Variants in PPP3CC observed in about 807,000 individuals in gnomAD.
The protein encoded by PPP3CC is protein phosphatase 3 catalytic subunit gamma, also known as serine/threonine-protein phosphatase 2B catalytic subunit gamma isoform.
A neutral mutation model predicts 60.3 loss-of-function variants in PPP3CC; 35 were observed. The ratio of observed to expected loss-of-function variants is 0.58; its 90% CI spans 0.44 to 0.77. PPP3CC has a LOEUF of 0.77. Ranked by LOEUF, PPP3CC falls within the 30% of genes least tolerant of loss-of-function variation. PPP3CC has a pLI of 0.00. For missense variants in PPP3CC, 570 were observed against 628.9 expected, an observed-to-expected ratio of 0.91 and a Z score of 1.00; for synonymous variants, 206 against 224.3, an observed-to-expected ratio of 0.92 and a Z score of 0.73.
intron 4 of PPP3CC, among the ~76,000 whole-genome samples, chr8:22,501,953 G>A (rs1329772424): frequency 6.6e-6 from 1 of 152,182 alleles, no homozygotes; most frequent in African/African-American, 2.4e-5. Context: ...ATTGAGCCTG[G>A]GTGTTTGAGA....
At chr8:22,509,182 C>G (rs935828121) in intron 4 of PPP3CC, among the ~76,000 whole-genome samples, 28 of 152,154 alleles carry the variant, frequency 1.8e-4, no homozygotes, top group Middle Eastern at 3.2e-3. Flanking sequence ...ATCATTCCTG[C>G]CACCCATATA....
At chr8:22,469,187 C>T (rs1216495082) in intron 1 of PPP3CC, among the ~76,000 whole-genome samples, 1 of 152,094 alleles carries the variant, frequency 6.6e-6, no homozygotes, top group African/African-American at 2.4e-5. Flanking sequence ...TCACTTACAG[C>T]AACATGGATG....
Position 22,531,410 on chromosome 8 carries a change from T to C in PPP3CC, c.1142-815T>C. ...TATTGGTTAGACTTAAAATTGGTAG[T>C]TGAATAATTTCAGAAAGGCTCTCCA... On this transcript the variant is annotated intron_variant, in intron 10 of 13. Transcript: ENST00000240139. 4 of 1,362,378 alleles carry C rather than the reference T, an allele frequency of 2.9e-6. No individual in the cohort carries two copies. In the South Asian group the frequency reaches 3.8e-5, roughly 13 times the overall value. The allele number at this position is 1,362,378 out of a possible 1,614,324, so 84.4% of individuals were successfully genotyped here. A position where few individuals can be genotyped will look rare whatever the true frequency, so the allele number is the denominator to read the frequency against.
intron 3 of PPP3CC, among the ~76,000 whole-genome samples, chr8:22,484,967 G>C (rs1838181373): frequency 6.6e-6 from 1 of 152,148 alleles, no homozygotes; most frequent in African/African-American, 2.4e-5. Context: ...GTCATTCTTT[G>C]AGTCCTGAAT....
chr8:22,495,742 A>G (rs1197254209), intron 3 of PPP3CC, among the ~76,000 whole-genome samples: 3 of 152,030 alleles, frequency 2.0e-5, no homozygotes, highest in South Asian at 4.1e-4. Flanking sequence ...TATTTTTAGT[A>G]GAGAAGAGGT....
intron 6 of PPP3CC, among the ~76,000 whole-genome samples, chr8:22,516,974 C>T (rs1205472969): frequency 6.6e-6 from 1 of 152,070 alleles, no homozygotes; most frequent in Non-Finnish European, 1.5e-5. Context: ...AGAAACACAT[C>T]TGAAACAAGG....
rs1839940795 is a variant in PPP3CC, at chr8:22,540,727, G to A, written c.1464G>A (p.Gly488=). Residue 488 remains glycine, a synonymous_variant, in exon 14 of 14, where the codon GGG becomes GGA. Transcript: ENST00000240139. ...PPRKDSIHAG[G]PMKSVTSAHS... is the part of the protein sequence containing the mutation. ...GAAAGGATAGCATACACGCTGGTGG[G>A]CCAATGAAATCTGTAACCTCAGCAC... The A allele has an allele frequency of 1.9e-6, 3 of 1,613,986 alleles. No individual in the cohort carries two copies. The highest frequency in any genetic ancestry group is 3.3e-5 in the Admixed American group (2 of 60,002).
chr8:22,507,905 C>T (rs917436530), intron 4 of PPP3CC, among the ~76,000 whole-genome samples: 5 of 152,124 alleles, frequency 3.3e-5, no homozygotes, highest in African/African-American at 1.2e-4. Context: ...ATGCCAAATG[C>T]TTAACTCACT....
chr8:22,490,500 C>T (rs1024614781), intron 3 of PPP3CC, among the ~76,000 whole-genome samples: 11 of 152,172 alleles, frequency 7.2e-5, no homozygotes, highest in African/African-American at 1.4e-4. Context: ...ATGTGCACAA[C>T]GTGCAGGTTT....
At chr8:22,500,686 T>C (rs1838735887) in intron 4 of PPP3CC, among the ~76,000 whole-genome samples, 1 of 152,172 alleles carries the variant, frequency 6.6e-6, no homozygotes, top group Non-Finnish European at 1.5e-5. Context: ...AAAAGGTCTT[T>C]GTTATTAAAA....
At chr8:22,446,044 C>T (rs1172063399) in intron 1 of PPP3CC, among the ~76,000 whole-genome samples, 1 of 152,128 alleles carries the variant, frequency 6.6e-6, no homozygotes, top group Non-Finnish European at 1.5e-5. Flanking sequence ...GATAATTAAG[C>T]TTTCTCTCTT....
At chr8:22,496,031 A>G (rs1563740558) in intron 3 of PPP3CC, among the ~76,000 whole-genome samples, 1 of 151,948 alleles carries the variant, frequency 6.6e-6, no homozygotes, top group East Asian at 1.9e-4. Context: ...TTTTACATTT[A>G]GATTGCTCAT....
chr8:22,534,395 C>G (rs1839797471), intron 12 of PPP3CC, among the ~76,000 whole-genome samples: 1 of 148,942 alleles, frequency 6.7e-6, no homozygotes, highest in African/African-American at 2.5e-5. Flanking sequence ...GCACTCCAGT[C>G]TGGGCAACAG....
chr8:22,473,380 T>C (rs1418889952), intron 1 of PPP3CC, among the ~76,000 whole-genome samples: 1 of 152,022 alleles, frequency 6.6e-6, no homozygotes, highest in Non-Finnish European at 1.5e-5. Context: ...TCCATGATAT[T>C]ATATATATAA....
In PPP3CC at chr8:22,521,963, CA is replaced by C. The variant is rs1322172235; in HGVS notation, c.771-517del. On this transcript the variant is annotated intron_variant, in intron 6 of 13. Transcript: ENST00000240139. The stretch of plus-strand genomic sequence containing the variant: ...TGGGCGACAGAGCAAGACTCCGTCT[CA>C]AAAAAAAAAACAAACCTATATATAT... Among the ~76,000 whole-genome samples, 363 of 93,454 alleles carry C rather than the reference CA, an allele frequency of 3.9e-3. 2 individuals are homozygous for C. The highest frequency in any genetic ancestry group is 9.7e-3 in the African/African-American group (246 of 25,438). The allele number at this position is 93,454 out of a possible 152,430, so 61.3% of individuals were successfully genotyped here.
chr8:22,539,620 A>G, intron 13 of PPP3CC, 122 bp downstream of exon 13: 2 of 1,022,220 alleles, frequency 2.0e-6, no homozygotes, highest in Non-Finnish European at 2.8e-6. Context: ...GAGAAAAGGT[A>G]TAGTTGTTTC....
At chr8:22,519,750 G>A (rs556776935) in intron 6 of PPP3CC, among the ~76,000 whole-genome samples, 1 of 152,298 alleles carries the variant, frequency 6.6e-6, no homozygotes, top group South Asian at 2.1e-4. Flanking sequence ...TGCCTCCCGG[G>A]TTCAAGTGAT....
rs368490434 is a variant in PPP3CC, at chr8:22,540,817, G to A, written c.*15G>A. The A allele has an allele frequency of 1.7e-4, 259 of 1,564,168 alleles. No individual in the cohort carries two copies. Among genetic ancestry groups the A allele is most frequent in the Non-Finnish European group, 2.0e-4 (236 of 1,154,834 alleles). ...CCCATTCATGACTTAGAGTCCTGCC[G>A]TGGCTCAGGTGGATCTAAAACTCAA... On this transcript the variant is annotated 3_prime_UTR_variant, in exon 14 of 14. Coordinates refer to ENST00000240139, the MANE Select transcript of PPP3CC (RefSeq NM_005605.5).
At chr8:22,540,591 C>T (rs1460944387) in intron 13 of PPP3CC, 24 bp from the exon 14 acceptor site, 2 of 1,604,542 alleles carry the variant, frequency 1.2e-6, no homozygotes, top group Non-Finnish European at 1.7e-6. Flanking sequence ...GAGCTCTCTC[C>T]ACCTGCTTCC....
Sources: gnomAD v4.1 joint callset for allele counts (sites outside exome capture counted in the v4.1 genomes callset) on GRCh38, gnomAD v4.1.1 for gene constraint, MANE v1.5 for transcripts, NCBI Gene and HGNC (gene_info 2026-07-23, HGNC 2026-07-21) for gene names.